Variants in RIBC2 observed in about 807,000 individuals in gnomAD.
RIBC2 encodes RIB43A domain with coiled-coils 2.
In RIBC2, 40 loss-of-function variants were observed where a neutral mutation model predicts 44.3. The observed-to-expected ratio is 0.90, with a 90% CI of 0.70 to 1.18. RIBC2 has a LOEUF of 1.18. Among genes scored for constraint, RIBC2 ranks in the 50% most tolerant of loss-of-function variants. The pLI is 0.00. For synonymous variants in RIBC2, 171 were observed against 175.0 expected (o/e 0.98, Z 0.18); for missense variants, 459 against 485.5 (o/e 0.95, Z 0.51).
At chr22:45,415,866 ATTTTTGTAT>A (rs1338265498) in intron 2 of RIBC2, among the ~76,000 whole-genome samples, 2 of 151,896 alleles carry the variant, frequency 1.3e-5, no homozygotes, top group East Asian at 3.9e-4. Flanking sequence ...TGCTGGGCTG[ATTTTTGTAT>A]TTTTAGTAGA....
At chr22:45,422,479 T>C (rs569903841) in intron 4 of RIBC2, 71 bp downstream of exon 4, 2 of 1,095,260 alleles carry the variant, frequency 1.8e-6, no homozygotes, top group African/African-American at 1.5e-5. Flanking sequence ...TTCCCAAGGC[T>C]CTCCGGCTTC....
chr22:45,422,471 C>T, intron 4 of RIBC2, 63 bp downstream of exon 4: 1 of 1,189,816 alleles, frequency 8.4e-7, no homozygotes, highest in Non-Finnish European at 1.3e-6. Context: ...ACTACGGCTT[C>T]CCAAGGCTCT....
In RIBC2 at chr22:45,422,325, G is replaced by A. The variant is rs181489860; in HGVS notation, c.592G>A (p.Glu198Lys). 1.7e-5 allele frequency: 27 copies of A among 1,614,188 alleles called. No individual in the cohort carries two copies. The highest frequency in any genetic ancestry group is 3.3e-4 in the Middle Eastern group (2 of 6,062). ...CACAGAGACAAGGCTGCAGTTTGAC[G>A]AGACAGCCAAGCACCTCCAGAAGCT... is the stretch of plus-strand genomic sequence containing the variant. ...LYTETRLQFD[E>K]TAKHLQKLES... Residue 198 changes from glutamate to lysine, a missense_variant, in exon 4 of 7, where the codon GAG (glutamate) becomes AAG (lysine). Glu to Lys is a moderately conservative substitution (Grantham distance 56). Coordinates refer to ENST00000614167, the MANE Select transcript of RIBC2 (RefSeq NM_015653.5).
chr22:45,415,026 G>T (rs111888403), intron 2 of RIBC2, among the ~76,000 whole-genome samples: 101 of 151,978 alleles, frequency 6.6e-4, no homozygotes, highest in African/African-American at 2.2e-3. Flanking sequence ...GTTATTCAAG[G>T]TATTATTATT....
chr22:45,432,410 C>T lies in RIBC2; in HGVS notation c.*48C>T. 3.2e-6 allele frequency: 4 copies of T among 1,242,288 alleles called. No homozygotes were observed. The South Asian group carries it at 5.1e-5, about 16-fold the overall frequency. 77.0% of individuals were successfully genotyped at this position (1,242,288 alleles called of 1,614,324 possible). ...GTCATTCACGTATAAAGAGTGGCTA[C>T]CTTAAAGAGTCACGTTTCTTTTTTA... On this transcript the variant is annotated 3_prime_UTR_variant, in exon 7 of 7. Coordinates refer to ENST00000614167, the MANE Select transcript of RIBC2 (RefSeq NM_015653.5).
At chr22:45,432,219 A>G in intron 6 of RIBC2, 65 bp from the exon 7 acceptor site, 1 of 927,304 alleles carries the variant, frequency 1.1e-6, no homozygotes, top group Non-Finnish European at 1.7e-6. Context: ...TTCAAAAAAA[A>G]AAAAAAGAAA....
intron 3 of RIBC2, among the ~76,000 whole-genome samples, chr22:45,418,684 A>G (rs539571487): frequency 1.3e-5 from 2 of 152,328 alleles, no homozygotes; most frequent in East Asian, 1.9e-4. Context: ...GACCAGGCAC[A>G]GAGAGGAATG....
In RIBC2 at chr22:45,430,961, C is replaced by A; in HGVS notation, c.965C>A (p.Ala322Asp). 6.2e-7 allele frequency: 1 copy of A among 1,609,188 alleles called. No individual in the cohort carries two copies. The highest frequency in any genetic ancestry group is 1.7e-4 in the Middle Eastern group (1 of 6,040). The change falls in exon 6 of 7, where the codon GCT (alanine) becomes GAT (aspartate). Residue 322 changes from alanine (A) to aspartate (D), a missense_variant. Ala to Asp is a moderately radical substitution (Grantham distance 126, BLOSUM62 -2). Coordinates refer to ENST00000614167, the MANE Select transcript of RIBC2 (RefSeq NM_015653.5). ...TGGGACCGGCGGAGGATTCAGGGGGCTCGCGCCACCCTGCTGTTTGAGCGG... is the reference window on the plus strand; with the variant it reads ...TGGGACCGGCGGAGGATTCAGGGGGATCGCGCCACCCTGCTGTTTGAGCGG... ...LDWDRRRIQG[A>D]RATLLFERQQ...
In RIBC2 at chr22:45,425,953, C is replaced by T. The variant is rs768680462; in HGVS notation, c.681C>T (p.Ile227=). 6.8e-6 allele frequency: 11 copies of T among 1,612,826 alleles called. No homozygotes were observed. Among genetic ancestry groups the T allele is most frequent in the Admixed American group, 3.3e-5 (2 of 59,848 alleles). The change falls in exon 5 of 7, where the codon ATC becomes ATT. Residue 227 remains isoleucine (I), a synonymous_variant. Transcript: ENST00000614167. ...TAATGTCTTCACCTGCTTAGGCCAT[C>T]GAGTCAGTGGAAAGGAAAAAGCAAG... ...SVKDFNKSQA[I]ESVERKKQEK... is the part of the protein sequence containing the mutation.
Position 45,413,886 on chromosome 22 carries a change from C to A in RIBC2, c.-1C>A. 1 of 1,550,080 alleles carries A rather than the reference C, an allele frequency of 6.5e-7. No individual in the cohort carries two copies. Among genetic ancestry groups the A allele is most frequent in the Non-Finnish European group, 8.7e-7 (1 of 1,146,006 alleles). On this transcript the variant is annotated 5_prime_UTR_variant, in exon 1 of 7. Transcript: ENST00000614167. ...TGTTCTAAAAACCCCTTAGGCTTTCCATGGGTTCCCAGACCATGGCGGTGG... is the reference window on the plus strand; with the variant it reads ...TGTTCTAAAAACCCCTTAGGCTTTCAATGGGTTCCCAGACCATGGCGGTGG...
intron 4 of RIBC2, among the ~76,000 whole-genome samples, chr22:45,422,931 A>C (rs182900207): frequency 2.0e-5 from 3 of 150,864 alleles, no homozygotes; most frequent in Non-Finnish European, 4.4e-5. Flanking sequence ...CTCCCCTCCA[A>C]CCTGATGCTG....
At chr22:45,419,743 A>C (rs1234342117) in intron 3 of RIBC2, among the ~76,000 whole-genome samples, 1 of 150,632 alleles carries the variant, frequency 6.6e-6, no homozygotes, top group Non-Finnish European at 1.5e-5. Context: ...AAAAAAAAAA[A>C]AGACCGGGCA....
At chr22:45,419,182 C>T (rs1035447506) in intron 3 of RIBC2, among the ~76,000 whole-genome samples, 2 of 152,194 alleles carry the variant, frequency 1.3e-5, no homozygotes, top group Non-Finnish European at 2.9e-5. Flanking sequence ...AGGTTTATAC[C>T]TCCAGCCTGG....
chr22:45,420,204 TTCAGACGTGAGTATA>T (rs958052009), intron 3 of RIBC2, among the ~76,000 whole-genome samples: 1 of 152,222 alleles, frequency 6.6e-6, no homozygotes, highest in Non-Finnish European at 1.5e-5. Flanking sequence ...TCTTGCTGTT[TTCAGACGTGAGTATA>T]TCAGGCTCAC....
At chr22:45,417,974 C>G in intron 3 of RIBC2, 28 bp downstream of exon 3, 1 of 1,447,686 alleles carries the variant, frequency 6.9e-7, no homozygotes, top group Non-Finnish European at 9.3e-7. Flanking sequence ...ACGAGCTGGT[C>G]TCAACGCTCT....
Position 45,421,566 on chromosome 22 carries a change from TA to T in RIBC2, c.557-722del, listed in dbSNP as rs1258907145. On this transcript the variant is annotated intron_variant, in intron 3 of 6. Coordinates refer to ENST00000614167, the MANE Select transcript of RIBC2 (RefSeq NM_015653.5). ...ATATTAATAATAATAATAGTATTAT[TA>T]ATAATAGTATTATTAATAATAATAA... Among the ~76,000 whole-genome samples the T allele has an allele frequency of 1.8e-4, 21 of 117,686 alleles. 1 individual carries two copies. Among genetic ancestry groups the T allele is most frequent in the South Asian group, 1.5e-3 (5 of 3,406 alleles). 77.2% of individuals were successfully genotyped at this position (117,686 alleles called of 152,430 possible). A position where few individuals can be genotyped will look rare whatever the true frequency, so the allele number is the denominator to read the frequency against.
chr22:45,422,452 G>A (rs1352748769), intron 4 of RIBC2, 44 bp downstream of exon 4: 6 of 1,390,334 alleles, frequency 4.3e-6, no homozygotes, highest in South Asian at 1.2e-5. Context: ...TGGAGGGGAG[G>A]ATGAGCCCAC....
At chr22:45,430,132 C>T (rs915860712) in intron 5 of RIBC2, among the ~76,000 whole-genome samples, 30 of 152,312 alleles carry the variant, frequency 2.0e-4, no homozygotes, top group Admixed American at 1.5e-3. Flanking sequence ...TGACAAAGCC[C>T]GCCAGCCTGC....
At chr22:45,418,038 T>C in intron 3 of RIBC2, 92 bp downstream of exon 3, 2 of 936,974 alleles carry the variant, frequency 2.1e-6, no homozygotes, top group South Asian at 2.0e-5. Flanking sequence ...CCCTACAGTT[T>C]TTTTTTTTTT....
Sources: gnomAD v4.1 joint callset for allele counts (sites outside exome capture counted in the v4.1 genomes callset) on GRCh38, gnomAD v4.1.1 for gene constraint, MANE v1.5 for transcripts, NCBI Gene and HGNC (gene_info 2026-07-23, HGNC 2026-07-21) for gene names.